IL1RAPL1: variants seen among roughly 807,000 people sequenced by gnomAD.
IL1RAPL1 encodes interleukin 1 receptor accessory protein like 1.
Under a neutral mutation model 48.4 loss-of-function variants are expected in IL1RAPL1, and 3 were observed. The observed-to-expected ratio is 0.06, with a 90% confidence interval of 0.03 to 0.16. The LOEUF is 0.16. Ranked by LOEUF, IL1RAPL1 falls within the 10% of genes least tolerant of loss-of-function variation. IL1RAPL1 has a pLI of 1.00. For missense variants in IL1RAPL1, 349 were observed against 530.6 expected, an observed-to-expected ratio of 0.66 and a Z score of 3.36; for synonymous variants, 185 against 187.7, an observed-to-expected ratio of 0.99 and a Z score of 0.12.
chrX:29,565,724 A>T (rs1922379207), intron 5 of IL1RAPL1, among the ~76,000 whole-genome samples: 1 of 111,901 alleles, frequency 8.9e-6, no homozygotes. Context: ...TTTGGTATTT[A>T]CCCTTGAGAA....
intron 6 of IL1RAPL1, among the ~76,000 whole-genome samples, chrX:29,892,922 C>A (rs919028247): frequency 8.9e-6 from 1 of 111,832 alleles, no homozygotes; most frequent in African/African-American, 3.3e-5. Context: ...GTAAAGAAGC[C>A]TAGAAACATT....
intron 6 of IL1RAPL1, among the ~76,000 whole-genome samples, chrX:29,877,757 C>G (rs1474017679): frequency 9.0e-6 from 1 of 111,470 alleles, no homozygotes; most frequent in South Asian, 3.8e-4. Flanking sequence ...TCCCTGGTAC[C>G]TGTGATTTTC....
At chrX:28,871,031 A>G (rs1922194105) in intron 2 of IL1RAPL1, among the ~76,000 whole-genome samples, 1 of 111,892 alleles carries the variant, frequency 8.9e-6, no homozygotes, top group African/African-American at 3.2e-5. Flanking sequence ...AAGTGAAAAT[A>G]TTAATTTGTG....
At chrX:29,546,720 C>T (rs181375633) in intron 5 of IL1RAPL1, among the ~76,000 whole-genome samples, 60 of 111,766 alleles carry the variant, frequency 5.4e-4, no homozygotes, top group African/African-American at 1.9e-3. Context: ...ATATTATATT[C>T]ACTTTAGTTA....
intron 2 of IL1RAPL1, among the ~76,000 whole-genome samples, chrX:28,916,322 C>T (rs1189420094): frequency 1.8e-5 from 2 of 111,292 alleles, no homozygotes; most frequent in African/African-American, 3.3e-5. Flanking sequence ...TCCCAGCTTA[C>T]GTCATCATTC....
At chrX:29,821,225 G>A (rs1330838895) in intron 6 of IL1RAPL1, among the ~76,000 whole-genome samples, 4 of 110,882 alleles carry the variant, frequency 3.6e-5, no homozygotes, top group Non-Finnish European at 5.7e-5. Flanking sequence ...CGAGGCAGGC[G>A]GATCACGAGG....
At chrX:29,443,264 C>T (rs1376886747) in intron 5 of IL1RAPL1, among the ~76,000 whole-genome samples, 2 of 110,119 alleles carry the variant, frequency 1.8e-5, no homozygotes, top group Non-Finnish European at 3.8e-5. Flanking sequence ...CTCTCTGTCT[C>T]AATCTTAGTG....
intron 8 of IL1RAPL1, among the ~76,000 whole-genome samples, chrX:29,933,176 G>T (rs923751880): frequency 2.7e-5 from 3 of 110,887 alleles, no homozygotes; most frequent in African/African-American, 9.8e-5. Context: ...ACACACCGGG[G>T]CCTGTCTCAG....
At chrX:29,622,455 G>C (rs982679549) in intron 5 of IL1RAPL1, among the ~76,000 whole-genome samples, 9 of 112,055 alleles carry the variant, frequency 8.0e-5, no homozygotes. Context: ...TATTGTACTG[G>C]AGGGATGGGT....
At chrX:29,492,728 C>T (rs779563738) in intron 5 of IL1RAPL1, among the ~76,000 whole-genome samples, 9 of 112,154 alleles carry the variant, frequency 8.0e-5, no homozygotes, top group Admixed American at 2.8e-4. Context: ...GCCTTAATCA[C>T]ATTTTCAAAG....
chrX:29,545,233 ATC>A (rs1382379606), intron 5 of IL1RAPL1, among the ~76,000 whole-genome samples: 1 of 94,063 alleles, frequency 1.1e-5, no homozygotes, highest in Admixed American at 1.2e-4. Context: ...CTATCTATCT[ATC>A]TATCTATTGG....
At chrX:28,929,673 G>A (rs1923830623) in intron 2 of IL1RAPL1, among the ~76,000 whole-genome samples, 1 of 111,785 alleles carries the variant, frequency 8.9e-6, no homozygotes, top group Admixed American at 9.5e-5. Flanking sequence ...ACATTTCCTG[G>A]TATAGACGTT....
chrX:28,810,128 G>T (rs986768856), intron 2 of IL1RAPL1, among the ~76,000 whole-genome samples: 1 of 110,142 alleles, frequency 9.1e-6, no homozygotes, highest in African/African-American at 3.3e-5. Context: ...TTCAGTCTTC[G>T]AGTGGCTTTG....
chrX:29,701,666 A>G lies in IL1RAPL1; in HGVS notation c.778+33162A>G, dbSNP rs986774387. Reference sequence around the variant, plus strand: ...TGTTGAGAAAGAGCTGCTGCAGTGTATCCCATATCCTTCAGGTGGGGTGAG... The same window carrying G: ...TGTTGAGAAAGAGCTGCTGCAGTGTGTCCCATATCCTTCAGGTGGGGTGAG... On this transcript the variant is annotated intron_variant, in intron 6 of 10. Coordinates refer to ENST00000378993, the MANE Select transcript of IL1RAPL1 (RefSeq NM_014271.4). Among the ~76,000 whole-genome samples, 4 of 111,451 alleles carry G rather than the reference A, an allele frequency of 3.6e-5. No individual in the cohort carries two copies. In the South Asian group the frequency reaches 1.5e-3, roughly 42 times the overall value.
intron 2 of IL1RAPL1, among the ~76,000 whole-genome samples, chrX:29,199,745 A>C (rs191184652): frequency 0.015 from 1,708 of 112,062 alleles, 13 homozygotes; most frequent in Non-Finnish European, 0.024. Context: ...CAGGCCACGG[A>C]CTGGCCCTGG....
At chrX:28,694,983 A>ATCT (rs1935215360) in intron 1 of IL1RAPL1, among the ~76,000 whole-genome samples, 1 of 110,152 alleles carries the variant, frequency 9.1e-6, no homozygotes, top group African/African-American at 3.3e-5. Context: ...TTTTAACTTG[A>ATCT]TCTTCAATTG....
chrX:28,839,723 A>C (rs1921320442), intron 2 of IL1RAPL1, among the ~76,000 whole-genome samples: 1 of 110,568 alleles, frequency 9.0e-6, no homozygotes, highest in Non-Finnish European at 1.9e-5. Context: ...GACTATTTAA[A>C]TGGGAAATAA....
intron 2 of IL1RAPL1, among the ~76,000 whole-genome samples, chrX:28,888,824 C>T (rs773402824): frequency 5.5e-5 from 6 of 109,859 alleles, no homozygotes; most frequent in African/African-American, 6.6e-5. Flanking sequence ...TTTTTTAAGA[C>T]GTGAATTTTA....
chrX:29,091,282 A>G (rs1221343972), intron 2 of IL1RAPL1, among the ~76,000 whole-genome samples: 1 of 112,012 alleles, frequency 8.9e-6, no homozygotes, highest in Admixed American at 9.5e-5. Flanking sequence ...CTGATACAGT[A>G]GCTGGGTTTT....
Sources: gnomAD v4.1 joint callset for allele counts (sites outside exome capture counted in the v4.1 genomes callset) on GRCh38, gnomAD v4.1.1 for gene constraint, MANE v1.5 for transcripts, NCBI Gene and HGNC (gene_info 2026-07-23, HGNC 2026-07-21) for gene names.